RGS3: variants seen among roughly 807,000 people sequenced by gnomAD.
The protein encoded by RGS3 is regulator of G protein signaling 3, also known as regulator of G-protein signalling 3.
RGS3 carries 80 observed loss-of-function variants against 132.6 expected under a neutral mutation model. The observed-to-expected ratio is 0.60, with a 90% confidence interval of 0.50 to 0.73. RGS3 has a LOEUF of 0.73. Among genes scored for constraint, RGS3 ranks in the 30% least tolerant of loss-of-function variants. RGS3 has a pLI of 0.00. For synonymous variants in RGS3, 598 were observed against 620.6 expected, an observed-to-expected ratio of 0.96 and a Z score of 0.54; for missense variants, 1,382 against 1,530.8, an observed-to-expected ratio of 0.90 and a Z score of 1.62.
At chr9:113,563,746 C>T (rs1169433974) in intron 19 of RGS3, among the ~76,000 whole-genome samples, 10 of 152,064 alleles carry the variant, frequency 6.6e-5, no homozygotes, top group Admixed American at 5.9e-4. Context: ...TGAGTCGACC[C>T]GATAAAGAAT....
intron 1 of RGS3, among the ~76,000 whole-genome samples, chr9:113,451,055 G>A (rs746126961): frequency 2.0e-5 from 3 of 151,992 alleles, no homozygotes; most frequent in Non-Finnish European, 2.9e-5. Flanking sequence ...GCGTGTGCCT[G>A]TAATCCCAGC....
rs774600195 is a variant in RGS3, at chr9:113,594,989, G to C, written c.3244+9G>C. 6.2e-7 allele frequency: 1 copy of C among 1,613,890 alleles called. No individual in the cohort carries two copies. The highest frequency in any genetic ancestry group is 8.5e-7 in the Non-Finnish European group (1 of 1,179,810). On this transcript the variant is annotated intron_variant, in intron 23 of 24. Coordinates refer to ENST00000350696, the Ensembl canonical transcript of RGS3. ...GCTGCTGGTTCACAAATGTAAGTTG[G>C]GCCTGCCTGCCCACTCCCTGTGCCC...
intron 3 of RGS3, among the ~76,000 whole-genome samples, chr9:113,465,773 A>G (rs1264040474): frequency 6.6e-6 from 1 of 152,150 alleles, no homozygotes; most frequent in Admixed American, 6.6e-5. Context: ...GGAGGCAGAC[A>G]GGAGCCTGGG....
At chr9:113,452,668 T>G (rs1358212210) in intron 1 of RGS3, among the ~76,000 whole-genome samples, 1 of 151,586 alleles carries the variant, frequency 6.6e-6, no homozygotes, top group Non-Finnish European at 1.5e-5. Context: ...GTTAATAATA[T>G]GTGTCTATTA....
intron 18 of RGS3, among the ~76,000 whole-genome samples, chr9:113,535,445 A>C (rs148498148): frequency 2.0e-5 from 3 of 152,370 alleles, no homozygotes; most frequent in African/African-American, 7.2e-5. Context: ...TGCTGGGATT[A>C]TAGGCATAAG....
chr9:113,594,205 G>C, intron 21 of RGS3: 1 of 1,612,930 alleles, frequency 6.2e-7, no homozygotes, highest in East Asian at 2.2e-5. Flanking sequence ...AGGACGCGGG[G>C]TGGGGGACAG....
intron 7 of RGS3, among the ~76,000 whole-genome samples, chr9:113,494,883 CT>C (rs1190182955): frequency 6.6e-6 from 1 of 150,430 alleles, no homozygotes; most frequent in Non-Finnish European, 1.5e-5. Flanking sequence ...TCTTCTTCTT[CT>C]TTTTTTTTGA....
At chr9:113,516,639 A>G (rs972295630) in intron 15 of RGS3, among the ~76,000 whole-genome samples, 2 of 152,296 alleles carry the variant, frequency 1.3e-5, no homozygotes, top group Admixed American at 6.5e-5. Context: ...GATTACAGGC[A>G]TGAGCCACCA....
exon 6 of RGS3, chr9:113,484,182 G>T (rs772576884): frequency 6.2e-7 from 1 of 1,613,022 alleles, no homozygotes; most frequent in Non-Finnish European, 8.5e-7. Flanking sequence ...ACCAGAAGAC[G>T]CAGACCGTTC....
chr9:113,585,875 C>T (rs1448081773), intron 20 of RGS3, among the ~76,000 whole-genome samples: 1 of 152,222 alleles, frequency 6.6e-6, no homozygotes, highest in African/African-American at 2.4e-5. Context: ...GTCATTCTGA[C>T]AGGGCAGGCT....
At chr9:113,465,439 CTG>C (rs3221187) in intron 3 of RGS3, among the ~76,000 whole-genome samples, 5,725 of 135,260 alleles carry the variant, frequency 0.042, 130 homozygotes, top group Middle Eastern at 0.053. Flanking sequence ...ACACCTATTT[CTG>C]TGTGTGTGTG....
At chr9:113,522,048 T>C (rs1328664269) in intron 16 of RGS3, among the ~76,000 whole-genome samples, 3 of 152,254 alleles carry the variant, frequency 2.0e-5, no homozygotes, top group Admixed American at 2.0e-4. Flanking sequence ...AACAGTGTAA[T>C]CTTTAGTGGC....
chr9:113,497,867 T>A (rs1830736724), intron 9 of RGS3, among the ~76,000 whole-genome samples, 158 bp from the exon 8 acceptor site: 1 of 152,142 alleles, frequency 6.6e-6, no homozygotes, highest in Non-Finnish European at 1.5e-5. Context: ...CCTGAGTCCC[T>A]GTCTGGATTG....
chr9:113,553,163 C>A (rs1833408793), intron 19 of RGS3, among the ~76,000 whole-genome samples: 1 of 151,588 alleles, frequency 6.6e-6, no homozygotes, highest in Non-Finnish European at 1.5e-5. Flanking sequence ...AGATATAGGC[C>A]AGGAATGGTG....
At chr9:113,538,873 T>A (rs1272815040) in intron 19 of RGS3, among the ~76,000 whole-genome samples, 1 of 152,220 alleles carries the variant, frequency 6.6e-6, no homozygotes, top group Admixed American at 6.5e-5. Context: ...GGAGCCACAC[T>A]GGCATACCCC....
chr9:113,519,679 G>GT (rs201771539), intron 16 of RGS3, among the ~76,000 whole-genome samples: 6,247 of 147,286 alleles, frequency 0.042, 166 homozygotes, highest in South Asian at 0.11. Context: ...TAGAGCAGTG[G>GT]TTTTTTTTTT....
chr9:113,535,703 T>C (rs1832649075), intron 18 of RGS3, among the ~76,000 whole-genome samples: 1 of 150,842 alleles, frequency 6.6e-6, no homozygotes, highest in Non-Finnish European at 1.5e-5. Context: ...AAGGGCTGGA[T>C]AGAAACACTG....
chr9:113,495,227 C>CCA, intron 7 of RGS3, among the ~76,000 whole-genome samples: 1 of 152,270 alleles, frequency 6.6e-6, no homozygotes, highest in East Asian at 1.9e-4. Flanking sequence ...CATAGTCTGA[C>CCA]ATCCCCATGA....
chr9:113,461,193 G>A (rs890853574), intron 1 of RGS3, among the ~76,000 whole-genome samples: 1 of 152,130 alleles, frequency 6.6e-6, no homozygotes, highest in South Asian at 2.1e-4. Flanking sequence ...TTGTTATCGT[G>A]TGTGGTATGA....
Sources: gnomAD v4.1 joint callset for allele counts (sites outside exome capture counted in the v4.1 genomes callset) on GRCh38, gnomAD v4.1.1 for gene constraint, MANE v1.5 for transcripts, NCBI Gene and HGNC (gene_info 2026-07-23, HGNC 2026-07-21) for gene names.